The following SASH1 variants were observed in gnomAD, a reference collection of about 807,000 sequenced individuals.
SASH1 encodes SAM and SH3 domain containing 1.
SASH1 carries 44 observed loss-of-function variants against 125.2 expected under a neutral mutation model. The ratio of observed to expected loss-of-function variants is 0.35; its 90% confidence interval spans 0.28 to 0.45. SASH1 has a LOEUF of 0.45. Ranked by LOEUF, SASH1 falls within the 20% of genes least tolerant of loss-of-function variation. The pLI, the probability that SASH1 is intolerant of heterozygous loss-of-function variation, is 1.00. For synonymous variants in SASH1, 639 were observed against 649.1 expected, an observed-to-expected ratio of 0.98 and a Z score of 0.24; for missense variants, 1,426 against 1,614.5, an observed-to-expected ratio of 0.88 and a Z score of 2.00.
intron 1 of SASH1, among the ~76,000 whole-genome samples, chr6:148,347,375 A>G (rs1358081630): frequency 6.6e-6 from 1 of 152,162 alleles, no homozygotes; most frequent in Non-Finnish European, 1.5e-5. Flanking sequence ...TTGTATAGAG[A>G]TACTCCGAAC....
chr6:148,428,655 T>TAAAAA (rs1775930655), intron 2 of SASH1, among the ~76,000 whole-genome samples: 1 of 78,056 alleles, frequency 1.3e-5, no homozygotes, highest in Non-Finnish European at 2.9e-5. Context: ...GAATATAAAC[T>TAAAAA]AATACAGCAA....
chr6:148,255,245 G>A, the SASH1 span, among the ~76,000 whole-genome samples: 2 of 152,244 alleles, frequency 1.3e-5, no homozygotes, highest in South Asian at 4.2e-4. Flanking sequence ...CAAGGTGTTG[G>A]TAGCCTTGGT....
At chr6:148,523,876 T>C (rs925353429) in intron 10 of SASH1, among the ~76,000 whole-genome samples, 1 of 152,112 alleles carries the variant, frequency 6.6e-6, no homozygotes, top group African/African-American at 2.4e-5. Flanking sequence ...CCAGCATTCA[T>C]AGAGTGTCTG....
At chr6:148,319,219 G>A (rs2114567758) in intron 1 of SASH1, among the ~76,000 whole-genome samples, 1 of 150,572 alleles carries the variant, frequency 6.6e-6, no homozygotes, top group South Asian at 2.1e-4. Flanking sequence ...ATTTTTTAGT[G>A]GAGACGGGGT....
At chr6:148,250,391 C>T in the SASH1 span, among the ~76,000 whole-genome samples, 18 of 152,160 alleles carry the variant, frequency 1.2e-4, no homozygotes, top group African/African-American at 2.9e-4. Context: ...TATTAGAAAT[C>T]GTACTCTCAG....
At chr6:148,522,111 G>A (rs1002349421) in intron 10 of SASH1, among the ~76,000 whole-genome samples, 2 of 152,160 alleles carry the variant, frequency 1.3e-5, no homozygotes, top group Admixed American at 6.5e-5. Flanking sequence ...CCCACCTAAC[G>A]TGCTCCTGTG....
At chr6:148,353,128 G>A (rs1330434539) in intron 1 of SASH1, among the ~76,000 whole-genome samples, 1 of 152,008 alleles carries the variant, frequency 6.6e-6, no homozygotes, top group African/African-American at 2.4e-5. Context: ...GAGTGCAGTG[G>A]TGTAATCAAG....
chr6:148,369,968 A>AAC, intron 1 of SASH1, among the ~76,000 whole-genome samples: 1 of 143,286 alleles, frequency 7.0e-6, no homozygotes, highest in Non-Finnish European at 1.5e-5. Context: ...AAGAAAAACA[A>AAC]AAAAAAAAAA....
At chr6:148,452,205 C>T (rs762693067) in intron 4 of SASH1, among the ~76,000 whole-genome samples, 2 of 152,190 alleles carry the variant, frequency 1.3e-5, no homozygotes, top group Non-Finnish European at 2.9e-5. Context: ...AATGGACTGG[C>T]CCAAGAGCCA....
At position 148,483,197 on chromosome 6, in the gene SASH1, T is replaced by C. The variant is rs76814994; in HGVS notation, c.628-4417T>C. Among the ~76,000 whole-genome samples, 1,421 of 152,210 alleles carry C rather than the reference T, an allele frequency of 9.3e-3. 14 individuals carry two copies. The highest frequency in any genetic ancestry group is 0.015 in the Non-Finnish European group (1,024 of 68,012). On this transcript the variant is annotated intron_variant, in intron 7 of 19. Coordinates refer to ENST00000367467, the MANE Select transcript of SASH1 (RefSeq NM_015278.5). ...GAAAACCTCAGGCTGCTTCCACTTA[T>C]GGTGGAAGGCAGTGTGTGTGCAGAG...
intron 2 of SASH1, among the ~76,000 whole-genome samples, chr6:148,437,488 A>G (rs182195059): frequency 2.0e-5 from 3 of 152,382 alleles, no homozygotes; most frequent in South Asian, 2.1e-4. Context: ...AACGTCCTGC[A>G]TGAAAACATT....
chr6:148,329,402 T>C (rs566431978), intron 1 of SASH1, among the ~76,000 whole-genome samples: 149 of 152,302 alleles, frequency 9.8e-4, no homozygotes, highest in African/African-American at 3.5e-3. Flanking sequence ...GTACTTCCCT[T>C]AACAGGGAAT....
chr6:148,439,844 T>C (rs2115002002), intron 2 of SASH1, among the ~76,000 whole-genome samples: 1 of 152,264 alleles, frequency 6.6e-6, no homozygotes, highest in East Asian at 1.9e-4. Flanking sequence ...TGGGTTGCAG[T>C]AAATTCAGTG....
chr6:148,367,139 G>T (rs1390966749), intron 1 of SASH1, among the ~76,000 whole-genome samples: 6 of 151,934 alleles, frequency 3.9e-5, no homozygotes, highest in Admixed American at 2.0e-4. Context: ...GGCCAGGCTG[G>T]TCTCGAACTC....
intron 6 of SASH1, among the ~76,000 whole-genome samples, chr6:148,472,471 T>C (rs1161270879): frequency 6.8e-6 from 1 of 147,842 alleles, no homozygotes; most frequent in Non-Finnish European, 1.5e-5. Context: ...AGTCTAAAGC[T>C]AAGGGAAAGG....
chr6:148,226,299 T>C, the SASH1 span, among the ~76,000 whole-genome samples: 129 of 152,356 alleles, frequency 8.5e-4, no homozygotes, highest in African/African-American at 2.9e-3. Context: ...GATTTTTTAA[T>C]TGTAGGAAAT....
At chr6:148,527,377 A>T in intron 11 of SASH1, 76 bp from the exon 12 acceptor site, 1 of 1,304,822 alleles carries the variant, frequency 7.7e-7, no homozygotes, top group Admixed American at 2.7e-5. Flanking sequence ...GAGAGCTAGG[A>T]TGTTAATGGT....
intron 4 of SASH1, among the ~76,000 whole-genome samples, chr6:148,466,781 G>A (rs1020277018): frequency 1.3e-5 from 2 of 151,816 alleles, no homozygotes; most frequent in African/African-American, 4.8e-5. Flanking sequence ...TCACTATGTT[G>A]CCCAGGCTGC....
intron 1 of SASH1, among the ~76,000 whole-genome samples, chr6:148,327,092 T>C (rs1171002093): frequency 6.6e-6 from 1 of 152,136 alleles, no homozygotes; most frequent in Non-Finnish European, 1.5e-5. Flanking sequence ...GGCCATTCTC[T>C]CCTCTGAGCA....
Sources: gnomAD v4.1 joint callset for allele counts (sites outside exome capture counted in the v4.1 genomes callset) on GRCh38, gnomAD v4.1.1 for gene constraint, MANE v1.5 for transcripts, NCBI Gene and HGNC (gene_info 2026-07-23, HGNC 2026-07-21) for gene names.